The following SIN3A variants were observed in gnomAD, a reference collection of about 807,000 sequenced individuals.
SIN3A encodes the protein SIN3 transcription regulator family member A, also known as paired amphipathic helix protein Sin3a.
In SIN3A, 14 loss-of-function variants were observed where a neutral mutation model predicts 146.1. That is an observed-to-expected ratio of 0.10 (90% CI 0.06 to 0.15). The LOEUF (loss-of-function observed/expected upper bound fraction) is 0.15. Ranked by LOEUF, SIN3A falls within the 10% of genes least tolerant of loss-of-function variation. The pLI is 1.00. For missense variants in SIN3A, 1,028 were observed against 1,576.0 expected, an observed-to-expected ratio of 0.65 and a Z score of 5.89; for synonymous variants, 572 against 572.0, an observed-to-expected ratio of 1.00 and a Z score of 0.00.
At chr15:75,422,461 T>C in intron 3 of SIN3A, 186 bp downstream of exon 3, 1 of 671,760 alleles carries the variant, frequency 1.5e-6, no homozygotes, top group East Asian at 2.7e-5. Context: ...TATATTCTTC[T>C]CTGGATCAGG....
At chr15:75,417,911 C>A (rs959278121) in intron 3 of SIN3A, among the ~76,000 whole-genome samples, 5 of 152,176 alleles carry the variant, frequency 3.3e-5, no homozygotes, top group Non-Finnish European at 5.9e-5. Flanking sequence ...CCCTTCGGCC[C>A]TTCTCCCTTC....
rs2072742824 is a variant in SIN3A, at chr15:75,371,068, C to T, written c.*911G>A. The T allele has an allele frequency of 1.3e-5, 2 of 152,164 alleles. No individual in the cohort carries two copies. Among genetic ancestry groups the T allele is most frequent in the Non-Finnish European group, 2.9e-5 (2 of 67,968 alleles). The allele number at this position is 152,164 out of a possible 1,614,324, so 9.4% of individuals were successfully genotyped here. On this transcript the variant is annotated 3_prime_UTR_variant, in exon 21 of 21. Transcript: ENST00000394947. ...TAAAAAGTGTAATAAATGTCTTGTACATCTGTTCATAGGTACTAAATCTGA... is the reference window on the plus strand; with the variant it reads ...TAAAAAGTGTAATAAATGTCTTGTATATCTGTTCATAGGTACTAAATCTGA...
At chr15:75,419,314 A>G (rs971114719) in intron 3 of SIN3A, 2 of 152,244 alleles carry the variant, frequency 1.3e-5, no homozygotes, top group African/African-American at 4.8e-5. Context: ...AGTTTGCAAA[A>G]GGAACCAAGA....
At chr15:75,435,277 T>A (rs943272651) in intron 1 of SIN3A, among the ~76,000 whole-genome samples, 1 of 151,930 alleles carries the variant, frequency 6.6e-6, no homozygotes, top group African/African-American at 2.4e-5. Flanking sequence ...CAGCAAAATA[T>A]GAAAATCTAA....
At chr15:75,440,890 G>A (rs1328752958) in intron 1 of SIN3A, among the ~76,000 whole-genome samples, 1 of 149,620 alleles carries the variant, frequency 6.7e-6, no homozygotes, top group African/African-American at 2.5e-5. Flanking sequence ...GCTGAGGCAG[G>A]AGAATGGCGT....
chr15:75,450,776 G>A (rs1040127235), intron 1 of SIN3A, among the ~76,000 whole-genome samples: 4 of 152,222 alleles, frequency 2.6e-5, no homozygotes, highest in South Asian at 4.1e-4. Flanking sequence ...GAGACATAGG[G>A]CGGGGCAGAT....
At chr15:75,428,029 G>A (rs1368159961) in intron 2 of SIN3A, among the ~76,000 whole-genome samples, 2 of 151,890 alleles carry the variant, frequency 1.3e-5, no homozygotes, top group African/African-American at 4.8e-5. Context: ...AAAAACCAAA[G>A]TGATACATTA....
rs970497852 is a variant in SIN3A, at chr15:75,369,787, C to T, written c.*2192G>A. ...GTCAACATGACCTTTCTTGAGGGAA[C>T]ACGGGGATAGGTGAATTATTTGAGA... On this transcript the variant is annotated 3_prime_UTR_variant, in exon 21 of 21. Coordinates refer to ENST00000394947, the MANE Select transcript of SIN3A (RefSeq NM_001145358.2). 3.3e-5 allele frequency: 5 copies of T among 152,224 alleles called. No individual in the cohort carries two copies. The highest frequency in any genetic ancestry group is 2.0e-4 in the Admixed American group (3 of 15,284). 9.4% of individuals were successfully genotyped at this position (152,224 alleles called of 1,614,324 possible). A position where few individuals can be genotyped will look rare whatever the true frequency, so the allele number is the denominator to read the frequency against.
rs111565110 is a variant in SIN3A, at chr15:75,405,694, T to C, written c.1407+1361A>G. Among the ~76,000 whole-genome samples the C allele has an allele frequency of 3.9e-4, 60 of 152,228 alleles. 1 individual carries two copies. Among genetic ancestry groups the C allele is most frequent in the African/African-American group, 1.4e-3 (57 of 41,544 alleles). ...TGAGCCAGGGAGGCGGAGGTTGCAG[T>C]GAGCCAAGATTGCGCCATTGCACTC... On this transcript the variant is annotated intron_variant, in intron 9 of 20. Coordinates refer to ENST00000394947, the MANE Select transcript of SIN3A (RefSeq NM_001145358.2).
chr15:75,416,835 A>T (rs1043401637), intron 3 of SIN3A, among the ~76,000 whole-genome samples: 2 of 152,258 alleles, frequency 1.3e-5, no homozygotes, highest in Non-Finnish European at 2.9e-5. Flanking sequence ...CTGAAATGGC[A>T]GCCCTCAAAA....
intron 14 of SIN3A, 98 bp from the exon 15 acceptor site, chr15:75,392,913 T>C (rs2073234618): frequency 1.1e-6 from 1 of 920,102 alleles, no homozygotes; most frequent in African/African-American, 1.7e-5. Context: ...TCAACCACAG[T>C]GTCTATATTT....
At chr15:75,419,260 A>G (rs2073799642) in intron 3 of SIN3A, 1 of 152,208 alleles carries the variant, frequency 6.6e-6, no homozygotes, top group Admixed American at 6.5e-5. Context: ...TCCATACTAA[A>G]ATGTTTCATT....
chr15:75,390,826 T>A (rs1249752323), intron 15 of SIN3A, among the ~76,000 whole-genome samples: 1 of 152,210 alleles, frequency 6.6e-6, no homozygotes, highest in African/African-American at 2.4e-5. Flanking sequence ...TCCTCCCACA[T>A]CGGCCTCCCA....
chr15:75,419,644 A>C (rs902974294), intron 3 of SIN3A: 3 of 149,032 alleles, frequency 2.0e-5, no homozygotes, highest in African/African-American at 5.0e-5. Context: ...ACATGGAAAA[A>C]CCCCGTCCTA....
At chr15:75,448,582 G>A (rs1043509728) in intron 1 of SIN3A, among the ~76,000 whole-genome samples, 1 of 151,988 alleles carries the variant, frequency 6.6e-6, no homozygotes, top group African/African-American at 2.4e-5. Context: ...CAAGGGGCGA[G>A]GAAGGTGTAT....
chr15:75,407,896 A>G (rs1249914432), intron 8 of SIN3A, among the ~76,000 whole-genome samples: 6 of 145,920 alleles, frequency 4.1e-5, no homozygotes, highest in Non-Finnish European at 6.0e-5. Flanking sequence ...CCATCTCAAA[A>G]AAAAAAAAAA....
upstream of SIN3A, among the ~76,000 whole-genome samples, chr15:75,452,040 A>C (rs2074420164): frequency 6.6e-6 from 1 of 151,944 alleles, no homozygotes; most frequent in African/African-American, 2.4e-5. Context: ...CAGGCCTAAC[A>C]AGTTGGCTCC....
At chr15:75,454,323 G>A (rs2074456449), upstream of SIN3A, among the ~76,000 whole-genome samples, 2 of 152,188 alleles carry the variant, frequency 1.3e-5, no homozygotes, top group Admixed American at 1.3e-4. Context: ...CCGGAGGTGG[G>A]TGGGAGAGAG....
chr15:75,426,700 C>A lies in SIN3A; in HGVS notation c.189+3487G>T, dbSNP rs569816409. On this transcript the variant is annotated intron_variant, in intron 2 of 20. Transcript: ENST00000394947. Reference sequence around the variant, plus strand: ...ATCCTAGCAGTTTGGGAGGCCGAGTCGGGCAGATCACTTGAGTCCAAGAGT... The same window carrying A: ...ATCCTAGCAGTTTGGGAGGCCGAGTAGGGCAGATCACTTGAGTCCAAGAGT... Among the ~76,000 whole-genome samples the A allele has an allele frequency of 7.9e-4, 120 of 152,182 alleles. 1 individual carries two copies. The South Asian group carries it at 0.024, about 31-fold the overall frequency.
Sources: gnomAD v4.1 joint callset for allele counts (sites outside exome capture counted in the v4.1 genomes callset) on GRCh38, gnomAD v4.1.1 for gene constraint, MANE v1.5 for transcripts, NCBI Gene and HGNC (gene_info 2026-07-23, HGNC 2026-07-21) for gene names.